GRID1: variants seen among roughly 807,000 people sequenced by gnomAD.
GRID1 encodes the protein glutamate receptor ionotropic, delta-1.
A neutral mutation model predicts 98.0 loss-of-function variants in GRID1; 28 were observed. The ratio of observed to expected loss-of-function variants is 0.29; its 90% CI spans 0.21 to 0.39. The LOEUF is 0.39. GRID1 is among the 10% of genes least tolerant of loss of function. GRID1 has a pLI of 1.00. For synonymous variants in GRID1, 553 were observed against 538.5 expected (o/e 1.03, Z -0.37); for missense variants, 1,111 against 1,340.5 (o/e 0.83, Z 2.67).
In GRID1 at chr10:86,279,871, G is replaced by A. The variant is rs180817047; in HGVS notation, c.236-73223C>T. On this transcript the variant is annotated intron_variant, in intron 2 of 15. Coordinates refer to ENST00000327946, the MANE Select transcript of GRID1 (RefSeq NM_017551.3). ...GATGGAATCTACCCTTTAAAAAAAG[G>A]CACTAAAACCAATAAGTAAGTTTAG... Among the ~76,000 whole-genome samples the A allele has an allele frequency of 8.5e-4, 129 of 152,184 alleles. 1 individual carries two copies. The highest frequency in any genetic ancestry group is 3.0e-3 in the African/African-American group (126 of 41,496).
intron 2 of GRID1, among the ~76,000 whole-genome samples, chr10:86,243,962 T>C (rs961872941): frequency 6.6e-6 from 1 of 152,200 alleles, no homozygotes; most frequent in Non-Finnish European, 1.5e-5. Flanking sequence ...TACCTGCACA[T>C]ACATGCACAC....
In GRID1 at chr10:86,124,512, T is replaced by A. The variant is rs1311279360; in HGVS notation, c.726+14307A>T. 2.0e-5 allele frequency among the ~76,000 whole-genome samples: 3 copies of A among 152,176 alleles called. No individual in the cohort carries two copies. The East Asian group carries it at 5.8e-4, about 29-fold the overall frequency. ...AATAAACGCCTACTTCTTGGCATCA[T>A]TGTCCCTAACCACTGCTCTACAGTG... On this transcript the variant is annotated intron_variant, in intron 4 of 15. Coordinates refer to ENST00000327946, the MANE Select transcript of GRID1 (RefSeq NM_017551.3).
intron 2 of GRID1, among the ~76,000 whole-genome samples, chr10:86,304,785 G>A (rs1290825230): frequency 3.3e-5 from 5 of 152,190 alleles, no homozygotes; most frequent in Admixed American, 2.6e-4. Context: ...AGAGAAGCAG[G>A]GGTTAGAACT....
chr10:85,777,030 C>A (rs1284228879), intron 8 of GRID1, among the ~76,000 whole-genome samples: 1 of 152,186 alleles, frequency 6.6e-6, no homozygotes, highest in Non-Finnish European at 1.5e-5. Context: ...GCAAATTTGA[C>A]AATAAAATGC....
rs1843651020 is a variant in GRID1 at position 86,061,666 on chromosome 10, G to T, written c.726+77153C>A. 2.6e-5 allele frequency among the ~76,000 whole-genome samples: 4 copies of T among 152,020 alleles called. No homozygotes were observed. In the South Asian group the frequency reaches 8.3e-4, roughly 32 times the overall value. On this transcript the variant is annotated intron_variant, in intron 4 of 15. Coordinates refer to ENST00000327946, the MANE Select transcript of GRID1 (RefSeq NM_017551.3). ...ATGCAGGACTCACCTGCCTCCCTCAGACCCAGCCTGCTTCTGTCCCTCCTG... is the reference window on the plus strand; with the variant it reads ...ATGCAGGACTCACCTGCCTCCCTCATACCCAGCCTGCTTCTGTCCCTCCTG...
At chr10:86,228,737 AC>A (rs1846399333) in intron 2 of GRID1, among the ~76,000 whole-genome samples, 1 of 152,096 alleles carries the variant, frequency 6.6e-6, no homozygotes, top group East Asian at 1.9e-4. Flanking sequence ...AGACACCCAC[AC>A]ACACACATTC....
intron 8 of GRID1, among the ~76,000 whole-genome samples, chr10:85,800,324 T>C (rs181317672): frequency 6.6e-6 from 1 of 152,180 alleles, no homozygotes; most frequent in East Asian, 1.9e-4. Context: ...TTCTCAGGCA[T>C]TTATAATACA....
rs187988404 is a variant in GRID1, at chr10:86,314,873, G to A, written c.235+49068C>T. Among the ~76,000 whole-genome samples, 16 of 152,260 alleles carry A rather than the reference G, an allele frequency of 1.1e-4. No homozygotes were observed. In the East Asian group the frequency reaches 1.5e-3, roughly 15 times the overall value. On this transcript the variant is annotated intron_variant, in intron 2 of 15. Transcript: ENST00000327946. ...AAAGGCCACATGGTGCAGAGCCAGAGCCCCCAGGATCCATCACAGAGCCAC... is the reference window on the plus strand; with the variant it reads ...AAAGGCCACATGGTGCAGAGCCAGAACCCCCAGGATCCATCACAGAGCCAC...
At chr10:86,321,705 C>A (rs114202413) in intron 2 of GRID1, among the ~76,000 whole-genome samples, 1,561 of 152,228 alleles carry the variant, frequency 0.01, 32 homozygotes, top group African/African-American at 0.036. Context: ...CAAGCAGTGA[C>A]CTGCAAAAGC....
intron 5 of GRID1, among the ~76,000 whole-genome samples, chr10:85,903,289 G>A (rs1012586480): frequency 1.3e-5 from 2 of 152,016 alleles, no homozygotes; most frequent in Admixed American, 6.6e-5. Context: ...TTCAGTTCCT[G>A]AAGCTAAAAA....
chr10:85,959,085 T>A (rs76253940), intron 4 of GRID1, among the ~76,000 whole-genome samples: 18,629 of 152,242 alleles, frequency 0.12, 1,290 homozygotes, highest in Admixed American at 0.22. Flanking sequence ...TTGAACTGAA[T>A]CCTCTTTCAG....
intron 3 of GRID1, among the ~76,000 whole-genome samples, chr10:86,202,838 G>A (rs139782719): frequency 2.6e-5 from 4 of 152,316 alleles, no homozygotes; most frequent in Non-Finnish European, 5.9e-5. Context: ...ACAAAGGAGG[G>A]AGCCTATGTA....
At chr10:85,612,171 C>T (rs947658917) in intron 15 of GRID1, among the ~76,000 whole-genome samples, 5 of 152,198 alleles carry the variant, frequency 3.3e-5, no homozygotes, top group African/African-American at 4.8e-5. Flanking sequence ...CCACCCCTGT[C>T]CTCACCCCTG....
intron 2 of GRID1, among the ~76,000 whole-genome samples, chr10:86,207,489 G>A (rs944802635): frequency 8.5e-5 from 13 of 152,122 alleles, no homozygotes; most frequent in East Asian, 1.9e-4. Flanking sequence ...AGCCACGTGC[G>A]TACACTTTTT....
intron 4 of GRID1, among the ~76,000 whole-genome samples, chr10:86,117,725 A>C (rs528328773): frequency 6.6e-6 from 1 of 152,382 alleles, no homozygotes; most frequent in South Asian, 2.1e-4. Flanking sequence ...CAACATCATT[A>C]ATTATCAGAG....
intron 4 of GRID1, among the ~76,000 whole-genome samples, chr10:86,078,614 C>G (rs1175929676): frequency 1.3e-5 from 2 of 152,228 alleles, no homozygotes; most frequent in Non-Finnish European, 2.9e-5. Flanking sequence ...AGGAATAAGA[C>G]ATGAGATTGA....
chr10:85,854,418 C>T, intron 8 of GRID1, 78 bp downstream of exon 8: 1 of 1,363,356 alleles, frequency 7.3e-7, no homozygotes, highest in African/African-American at 1.4e-5. Context: ...TTGCTGGGAG[C>T]TCAGGGACCC....
At chr10:85,842,065 G>T (rs1842965864) in intron 8 of GRID1, among the ~76,000 whole-genome samples, 1 of 152,054 alleles carries the variant, frequency 6.6e-6, no homozygotes, top group Admixed American at 6.6e-5. Flanking sequence ...CAAAGACATG[G>T]AATTAACCTA....
At chr10:85,787,949 C>G (rs553606197) in intron 8 of GRID1, among the ~76,000 whole-genome samples, 1 of 152,138 alleles carries the variant, frequency 6.6e-6, no homozygotes, top group Admixed American at 6.5e-5. Context: ...GGGTCTGGCC[C>G]TGGTTCCGCT....
Sources: allele counts gnomAD v4.1 joint callset (sites outside exome capture counted in the v4.1 genomes callset), GRCh38; gene constraint gnomAD v4.1.1; transcripts MANE v1.5; gene names NCBI Gene and HGNC (gene_info 2026-07-23, HGNC 2026-07-21).